PNPLA8: variants seen among roughly 807,000 people sequenced by gnomAD.
PNPLA8 encodes the protein patatin like domain 8, phospholipase A2.
A neutral mutation model predicts 76.9 loss-of-function variants in PNPLA8; 39 were observed. The observed-to-expected ratio is 0.51, with a 90% confidence interval of 0.39 to 0.66. PNPLA8 has a LOEUF of 0.66. Among genes scored for constraint, PNPLA8 ranks in the 30% least tolerant of loss-of-function variants. The pLI, the probability that PNPLA8 is intolerant of heterozygous loss-of-function variation, is 0.00. For missense variants in PNPLA8, 887 were observed against 918.0 expected (o/e 0.97, Z 0.44); for synonymous variants, 301 against 307.9 (o/e 0.98, Z 0.24).
At chr7:108,519,985 C>G (rs980821250) in intron 2 of PNPLA8, among the ~76,000 whole-genome samples, 3 of 152,182 alleles carry the variant, frequency 2.0e-5, no homozygotes, top group African/African-American at 7.2e-5. Context: ...CATTCCTTCT[C>G]CCTAGTAATC....
intron 5 of PNPLA8, 95 bp downstream of exon 5, chr7:108,502,395 AT>A (rs1465072970): frequency 2.5e-5 from 26 of 1,026,966 alleles, no homozygotes; most frequent in Non-Finnish European, 3.4e-5. Flanking sequence ...GTGAGCTGAG[AT>A]TGTGCCACTG....
intron 9 of PNPLA8, among the ~76,000 whole-genome samples, 181 bp downstream of exon 9, chr7:108,487,578 C>T (rs1563942640): frequency 6.6e-6 from 1 of 152,160 alleles, no homozygotes; most frequent in African/African-American, 2.4e-5. Flanking sequence ...GTTTGCATGT[C>T]AGAGGCTTGT....
intron 9 of PNPLA8, among the ~76,000 whole-genome samples, chr7:108,482,074 A>G (rs1229407888): frequency 1.3e-5 from 2 of 152,214 alleles, no homozygotes; most frequent in South Asian, 2.1e-4. Context: ...CTACATATCT[A>G]TCTTTATGCA....
intron 5 of PNPLA8, among the ~76,000 whole-genome samples, chr7:108,501,635 C>A (rs1481812916): frequency 1.3e-5 from 2 of 152,078 alleles, no homozygotes; most frequent in African/African-American, 4.8e-5. Flanking sequence ...CCAGCCTAGA[C>A]AACATGGTGA....
intron 9 of PNPLA8, among the ~76,000 whole-genome samples, chr7:108,484,814 A>T (rs1860629729): frequency 6.6e-6 from 1 of 152,188 alleles, no homozygotes; most frequent in Admixed American, 6.6e-5. Context: ...CAGGAAGCAC[A>T]AACAATATGC....
intron 5 of PNPLA8, among the ~76,000 whole-genome samples, chr7:108,498,133 C>CAA (rs58243908): frequency 8.2e-5 from 11 of 133,692 alleles, no homozygotes; most frequent in African/African-American, 1.9e-4. Flanking sequence ...AAACAAAAAA[C>CAA]AAAAAAAAAA....
intron 9 of PNPLA8, among the ~76,000 whole-genome samples, chr7:108,484,298 T>A (rs922674360): frequency 6.6e-6 from 1 of 152,210 alleles, no homozygotes; most frequent in East Asian, 1.9e-4. Context: ...CTGCTTATAG[T>A]TAGCCTACTC....
intron 4 of PNPLA8, among the ~76,000 whole-genome samples, chr7:108,503,792 A>C (rs1862134623): frequency 6.6e-6 from 1 of 152,154 alleles, no homozygotes; most frequent in Non-Finnish European, 1.5e-5. Context: ...AGTGAGTCTG[A>C]CTCAGACAGA....
chr7:108,510,895 A>G, intron 4 of PNPLA8: 2 of 1,590,676 alleles, frequency 1.3e-6, no homozygotes, highest in Non-Finnish European at 1.7e-6. Flanking sequence ...GAATGAAGAA[A>G]AAGACCACCC....
intron 2 of PNPLA8, among the ~76,000 whole-genome samples, chr7:108,521,010 T>A (rs1346640937): frequency 6.6e-6 from 1 of 152,112 alleles, no homozygotes; most frequent in African/African-American, 2.4e-5. Flanking sequence ...CATACTATCC[T>A]CAAGGTGCAG....
intron 7 of PNPLA8, among the ~76,000 whole-genome samples, chr7:108,491,876 G>C (rs1861193843): frequency 6.6e-6 from 1 of 152,212 alleles, no homozygotes; most frequent in Admixed American, 6.5e-5. Context: ...GCTGTGTTGA[G>C]ATAAGACTGC....
chr7:108,505,240 T>C (rs556347054), intron 4 of PNPLA8, among the ~76,000 whole-genome samples: 21 of 131,468 alleles, frequency 1.6e-4, no homozygotes, highest in South Asian at 5.1e-4. Flanking sequence ...CTATTCTAGA[T>C]GAATACTAGA....
chr7:108,496,035 A>G lies in PNPLA8; in HGVS notation c.1625+549T>C, dbSNP rs576034751. ...GGAGGCAGGCCAATCACTTGAGGTT[A>G]GGAGCCTGAGCAACATGGTGAAATC... On this transcript the variant is annotated intron_variant, in intron 7 of 10. Transcript: ENST00000257694. 6.7e-4 allele frequency among the ~76,000 whole-genome samples: 102 copies of G among 152,296 alleles called. 1 individual carries two copies. Among genetic ancestry groups the G allele is most frequent in the African/African-American group, 2.3e-3 (97 of 41,578 alleles).
At position 108,487,951 on chromosome 7, in the gene PNPLA8, T is replaced by A. The variant is rs755439764; in HGVS notation, c.1686A>T (p.Val562=). 6.3e-7 allele frequency: 1 copy of A among 1,586,040 alleles called. No homozygotes were observed. The highest frequency in any genetic ancestry group is 1.1e-5 in the South Asian group (1 of 87,848). Residue 562 remains valine, a splice_region_variant and synonymous_variant, in exon 9 of 11, where the codon GTA becomes GTT. Coordinates refer to ENST00000257694, the MANE Select transcript of PNPLA8 (RefSeq NM_001256007.3). ...TATTTACTATGGTACTTACAGCAGCTACCTAGTGAATGAAAAAGTGAACAA... is the reference window on the plus strand; with the variant it reads ...TATTTACTATGGTACTTACAGCAGCAACCTAGTGAATGAAAAAGTGAACAA... The part of the protein sequence containing the change: ...ETARNPTCPK[V]AAVSTIVNRG...
intron 4 of PNPLA8, among the ~76,000 whole-genome samples, chr7:108,503,838 G>A (rs111911542): frequency 1.2e-3 from 185 of 152,298 alleles, no homozygotes; most frequent in African/African-American, 3.8e-3. Context: ...CCAGCTGATC[G>A]TTTAGCATCT....
At chr7:108,490,165 T>C (rs1433915696) in intron 8 of PNPLA8, among the ~76,000 whole-genome samples, 1 of 152,212 alleles carries the variant, frequency 6.6e-6, no homozygotes, top group East Asian at 1.9e-4. Context: ...TTGCCTACAG[T>C]ATTCAGTATA....
intron 9 of PNPLA8, among the ~76,000 whole-genome samples, chr7:108,480,259 T>G (rs1860302048): frequency 6.6e-6 from 1 of 152,018 alleles, no homozygotes; most frequent in Non-Finnish European, 1.5e-5. Context: ...TCCCAGCTAT[T>G]CAGGAGGCTG....
intron 9 of PNPLA8, among the ~76,000 whole-genome samples, chr7:108,487,396 C>G (rs1598886847): frequency 6.6e-6 from 1 of 152,172 alleles, no homozygotes; most frequent in Middle Eastern, 3.4e-3. Flanking sequence ...CAAAATATGC[C>G]CACCCAAACT....
intron 7 of PNPLA8, among the ~76,000 whole-genome samples, chr7:108,492,550 T>A (rs1282434423): frequency 2.0e-5 from 2 of 102,368 alleles, no homozygotes; most frequent in African/African-American, 6.2e-5. Flanking sequence ...TTTAGTGAAT[T>A]CACTTATGAA....
Sources: gnomAD v4.1 joint callset for allele counts (sites outside exome capture counted in the v4.1 genomes callset) on GRCh38, gnomAD v4.1.1 for gene constraint, MANE v1.5 for transcripts, NCBI Gene and HGNC (gene_info 2026-07-23, HGNC 2026-07-21) for gene names.